GALNT13: variants seen among roughly 807,000 people sequenced by gnomAD.
The protein encoded by GALNT13 is polypeptide N-acetylgalactosaminyltransferase 13.
In GALNT13, 28 loss-of-function variants were observed where a neutral mutation model predicts 64.2. That is an observed-to-expected ratio of 0.44 (90% CI 0.32 to 0.60). The LOEUF (loss-of-function observed/expected upper bound fraction) is 0.60, where lower values mean the gene tolerates loss of function less well. Ranked by LOEUF, GALNT13 falls within the 20% of genes least tolerant of loss-of-function variation. The pLI is 0.05. For missense variants in GALNT13, 577 were observed against 669.8 expected, an observed-to-expected ratio of 0.86 and a Z score of 1.53; for synonymous variants, 214 against 224.6, an observed-to-expected ratio of 0.95 and a Z score of 0.42.
the GALNT13 span, among the ~76,000 whole-genome samples, chr2:153,597,089 G>A: frequency 1.3e-5 from 2 of 152,130 alleles, no homozygotes; most frequent in Admixed American, 6.5e-5. Flanking sequence ...TTCTACAACA[G>A]TTTTTTTACA....
intron 4 of GALNT13, among the ~76,000 whole-genome samples, chr2:154,221,867 GCA>G (rs1466672535): frequency 1.3e-5 from 2 of 152,012 alleles, no homozygotes; most frequent in African/African-American, 4.8e-5. Flanking sequence ...TTGAAATGGG[GCA>G]CAGAGTAGGC....
intron 11 of GALNT13, among the ~76,000 whole-genome samples, chr2:154,428,584 T>C (rs1281864106): frequency 1.3e-5 from 2 of 152,214 alleles, no homozygotes; most frequent in Non-Finnish European, 2.9e-5. Flanking sequence ...CTTTGCTTTA[T>C]TGTGCTTCAC....
chr2:153,824,034 A>G, the GALNT13 span, among the ~76,000 whole-genome samples: 1 of 152,210 alleles, frequency 6.6e-6, no homozygotes, highest in African/African-American at 2.4e-5. Flanking sequence ...ATCACTAATC[A>G]TCAGAAAAAA....
chr2:154,247,686 CTT>C (rs1443819088), intron 7 of GALNT13, among the ~76,000 whole-genome samples: 2 of 152,026 alleles, frequency 1.3e-5, no homozygotes, highest in African/African-American at 4.8e-5. Flanking sequence ...AATCATCTAA[CTT>C]CCTATATTTT....
intron 3 of GALNT13, among the ~76,000 whole-genome samples, chr2:154,020,841 A>G (rs561076888): frequency 2.0e-5 from 3 of 152,022 alleles, no homozygotes; most frequent in African/African-American, 4.8e-5. Context: ...TAAGTCTAAC[A>G]TTTAAGTCTT....
chr2:154,214,904 G>A (rs1469688836), intron 4 of GALNT13, among the ~76,000 whole-genome samples: 1 of 152,122 alleles, frequency 6.6e-6, no homozygotes, highest in African/African-American at 2.4e-5. Context: ...TGTTTCCCTA[G>A]CACAATGCTG....
chr2:153,964,382 G>A (rs922415429), intron 3 of GALNT13, among the ~76,000 whole-genome samples: 2 of 152,300 alleles, frequency 1.3e-5, no homozygotes, highest in Non-Finnish European at 2.9e-5. Flanking sequence ...CCAGGAAATG[G>A]AGGTTGCAGT....
chr2:153,172,830 G>A, the GALNT13 span, among the ~76,000 whole-genome samples: 1 of 152,242 alleles, frequency 6.6e-6, no homozygotes, highest in South Asian at 2.1e-4. Flanking sequence ...GAAAAAGACT[G>A]AACATCCCTA....
At chr2:153,464,160 T>C in the GALNT13 span, among the ~76,000 whole-genome samples, 15 of 152,026 alleles carry the variant, frequency 9.9e-5, no homozygotes, top group Admixed American at 9.8e-4. Context: ...TAGTCAAAAT[T>C]GACTCAGAAA....
the GALNT13 span, among the ~76,000 whole-genome samples, chr2:153,230,984 T>G: frequency 6.6e-6 from 1 of 152,202 alleles, no homozygotes; most frequent in Non-Finnish European, 1.5e-5. Flanking sequence ...GATTTGGACA[T>G]GGGTGAGATG....
At chr2:153,635,349 C>G in the GALNT13 span, among the ~76,000 whole-genome samples, 3 of 145,784 alleles carry the variant, frequency 2.1e-5, no homozygotes, top group Non-Finnish European at 4.5e-5. Flanking sequence ...AACCAAGAAA[C>G]TTTAAACAGA....
At chr2:153,829,302 A>G in the GALNT13 span, among the ~76,000 whole-genome samples, 1 of 152,190 alleles carries the variant, frequency 6.6e-6, no homozygotes, top group African/African-American at 2.4e-5. Context: ...CATACCTAAG[A>G]CTGGGTTATT....
the GALNT13 span, among the ~76,000 whole-genome samples, chr2:153,473,036 G>A: frequency 7.2e-5 from 11 of 152,132 alleles, no homozygotes; most frequent in East Asian, 5.8e-4. Flanking sequence ...GCTTGTCGGC[G>A]GGTGGGGGGC....
rs141951977 is a variant in GALNT13 at position 154,066,046 on chromosome 2, A to C, written c.143-74291A>C. ...AAGGAGATTGAAATAATTAAAAAGA[A>C]TCAAGTATAAAATCTGGAGTTGAAT... On this transcript the variant is annotated intron_variant, in intron 3 of 12. Transcript: ENST00000392825. Among the ~76,000 whole-genome samples the C allele has an allele frequency of 3.3e-4, 50 of 152,362 alleles. 2 individuals are homozygous for C. The Middle Eastern group carries it at 0.017, about 52-fold the overall frequency.
At chr2:153,507,820 A>G in the GALNT13 span, among the ~76,000 whole-genome samples, 1 of 152,138 alleles carries the variant, frequency 6.6e-6, no homozygotes, top group Admixed American at 6.5e-5. Flanking sequence ...AAGATATGGG[A>G]CTGAAGAGCT....
the GALNT13 span, among the ~76,000 whole-genome samples, chr2:153,248,010 A>G: frequency 2.6e-5 from 4 of 152,216 alleles, no homozygotes. Context: ...GGACTAAACC[A>G]GGAAGAAGAT....
chr2:154,086,144 A>G (rs1158795457), intron 3 of GALNT13, among the ~76,000 whole-genome samples: 1 of 148,152 alleles, frequency 6.7e-6, no homozygotes, highest in Non-Finnish European at 1.5e-5. Context: ...ATAATAAAGT[A>G]TATATTATAT....
At chr2:154,411,777 AG>A (rs1158772437) in intron 11 of GALNT13, among the ~76,000 whole-genome samples, 1 of 151,752 alleles carries the variant, frequency 6.6e-6, no homozygotes, top group East Asian at 1.9e-4. Flanking sequence ...TAATTAAATA[AG>A]AATGGGGAAA....
chr2:154,338,685 T>C (rs1695590069), intron 9 of GALNT13, among the ~76,000 whole-genome samples: 1 of 152,102 alleles, frequency 6.6e-6, no homozygotes, highest in Non-Finnish European at 1.5e-5. Flanking sequence ...TCAGCTAGTT[T>C]GAATAATTTC....
Sources: allele counts gnomAD v4.1 joint callset (sites outside exome capture counted in the v4.1 genomes callset), GRCh38; gene constraint gnomAD v4.1.1; transcripts MANE v1.5; gene names NCBI Gene and HGNC (gene_info 2026-07-23, HGNC 2026-07-21).